The following METTL13 variants were observed in gnomAD, a reference collection of about 807,000 sequenced individuals.
METTL13 encodes the protein methyltransferase 13, eEF1A N-terminus and K55.
In METTL13, 52 loss-of-function variants were observed where a neutral mutation model predicts 67.4. The observed-to-expected ratio is 0.77, with a 90% CI of 0.62 to 0.97. The LOEUF is 0.97. Ranked by LOEUF, METTL13 falls within the 50% of genes least tolerant of loss-of-function variation. The pLI is 0.00. For missense variants in METTL13, 825 were observed against 889.6 expected, an observed-to-expected ratio of 0.93 and a Z score of 0.92; for synonymous variants, 354 against 353.6, an observed-to-expected ratio of 1.00 and a Z score of -0.01.
In METTL13 at chr1:171,784,499, A is replaced by G. The variant is rs754298266; in HGVS notation, c.913A>G (p.Ile305Val). 1 of 1,464,118 alleles carries G rather than the reference A, an allele frequency of 6.8e-7. No homozygotes were observed. Among genetic ancestry groups the G allele is most frequent in the South Asian group, 1.4e-5 (1 of 72,336 alleles). 90.7% of individuals were successfully genotyped at this position (1,464,118 alleles called of 1,614,324 possible). Residue 305 changes from isoleucine (I) to valine (V), a missense_variant and splice_region_variant, in exon 2 of 8, where the codon ATC becomes GTC. Coordinates refer to ENST00000361735, the MANE Select transcript of METTL13 (RefSeq NM_015935.5). ...SRDNHFAIFI[I>V]PQGRETEWLF... ...GGACAATCATTTTGCGATTTTCATC[A>G]GTGAGTTGGGATTGCTCCCTCTCTT...
chr1:171,787,670 G>T (rs1657063682), intron 3 of METTL13, 65 bp from the exon 4 acceptor site: 4 of 1,458,246 alleles, frequency 2.7e-6, no homozygotes, highest in African/African-American at 1.4e-5. Context: ...AAGGGAAGGG[G>T]TTATAATTTC....
chr1:171,787,732 C>T lies in METTL13; in HGVS notation c.1114-3C>T, dbSNP rs140184728. On this transcript the variant is annotated splice_region_variant and splice_polypyrimidine_tract_variant and intron_variant, in intron 3 of 7. Transcript: ENST00000361735. ...TTGACCACATCTCTGGTTGTACCTT[C>T]AGGTCCCCTTTCTGTCTGTGGGTGG... 7.0e-5 allele frequency: 113 copies of T among 1,609,658 alleles called. No homozygotes were observed. The African/African-American group carries it at 1.4e-3, about 20-fold the overall frequency.
chr1:171,782,641 C>A (rs1295974294), intron 1 of METTL13, among the ~76,000 whole-genome samples: 1 of 152,130 alleles, frequency 6.6e-6, no homozygotes, highest in African/African-American at 2.4e-5. Flanking sequence ...ATTAATAACC[C>A]TACTTGAAGA....
In METTL13 at chr1:171,781,935, G is replaced by C. The variant is rs1032342193; in HGVS notation, c.-33G>C. ...AAATGGTATCTCACAGGGAATAGGGGAGTCTTGAAAACGCAGCTTCGGCAG... is the reference window on the plus strand; with the variant it reads ...AAATGGTATCTCACAGGGAATAGGGCAGTCTTGAAAACGCAGCTTCGGCAG... On this transcript the variant is annotated 5_prime_UTR_variant, in exon 1 of 8. Transcript: ENST00000361735. 3.7e-6 allele frequency: 6 copies of C among 1,612,962 alleles called. No homozygotes were observed. The African/African-American group carries it at 6.7e-5, about 18-fold the overall frequency.
intron 5 of METTL13, among the ~76,000 whole-genome samples, chr1:171,791,232 G>A (rs1029256876): frequency 2.6e-5 from 4 of 152,308 alleles, no homozygotes; most frequent in African/African-American, 7.2e-5. Context: ...GACTTTTGTT[G>A]TCTTCCTTTG....
At chr1:171,794,576 A>G in intron 7 of METTL13, 49 bp downstream of exon 7, 1 of 1,606,416 alleles carries the variant, frequency 6.2e-7, no homozygotes, top group Non-Finnish European at 8.5e-7. Context: ...GACCATTAAC[A>G]AAAATTATCT....
intron 1 of METTL13, among the ~76,000 whole-genome samples, chr1:171,782,763 C>T (rs919006028): frequency 6.6e-6 from 1 of 152,058 alleles, no homozygotes; most frequent in Non-Finnish European, 1.5e-5. Context: ...TTGAGTGCGC[C>T]CCAAGTTTCA....
chr1:171,791,806 C>T (rs1481163976), intron 5 of METTL13, among the ~76,000 whole-genome samples: 1 of 151,920 alleles, frequency 6.6e-6, no homozygotes, highest in Non-Finnish European at 1.5e-5. Flanking sequence ...CACACTAGTT[C>T]ATCTTCTGGA....
In METTL13 at chr1:171,786,068, C is replaced by A; in HGVS notation, c.1103C>A (p.Thr368Asn). Residue 368 changes from threonine to asparagine, a missense_variant, in exon 3 of 8, where the codon ACC (threonine) becomes AAC (asparagine). By Grantham distance (65) the Thr-to-Asn change is moderately conservative. Transcript: ENST00000361735. Reference sequence around the variant, plus strand: ...GAGCTGGCCCCAGCTGGGATGCCCACCCAGCAGCAGGTAACAAAGCTTTCG... The same window carrying A: ...GAGCTGGCCCCAGCTGGGATGCCCAACCAGCAGCAGGTAACAAAGCTTTCG... Reference protein sequence around the residue: ...VMELAPAGMPTQQQVPFLSVG... With the variant: ...VMELAPAGMPNQQQVPFLSVG... 1.9e-6 allele frequency: 3 copies of A among 1,612,602 alleles called. No individual in the cohort carries two copies. Among genetic ancestry groups the A allele is most frequent in the Non-Finnish European group, 2.5e-6 (3 of 1,179,236 alleles).
Position 171,781,885 on chromosome 1 carries a change from C to T in METTL13, c.-83C>T. ...GAATTCCCACTGCAGTGTCCCGGAGCCTGCGTGTGGTGGGCAAGCTCCTCA... is the reference window on the plus strand; with the variant it reads ...GAATTCCCACTGCAGTGTCCCGGAGTCTGCGTGTGGTGGGCAAGCTCCTCA... On this transcript the variant is annotated 5_prime_UTR_variant, in exon 1 of 8. Coordinates refer to ENST00000361735, the MANE Select transcript of METTL13 (RefSeq NM_015935.5). The T allele has an allele frequency of 2.5e-6, 4 of 1,575,316 alleles. No individual in the cohort carries two copies. The highest frequency in any genetic ancestry group is 3.4e-6 in the Non-Finnish European group (4 of 1,160,314).
Position 171,792,090 on chromosome 1 carries a change from A to G in METTL13, c.1548A>G (p.Pro516=), listed in dbSNP as rs376719957. 1.2e-6 allele frequency: 2 copies of G among 1,613,962 alleles called. No individual in the cohort carries two copies. Among genetic ancestry groups the G allele is most frequent in the South Asian group, 1.1e-5 (1 of 91,078 alleles). ...SLPLFVHDHF[P]KSCIDAVEID... ...CCCTCTTTGTCCACGATCATTTTCC[A>G]AAGTCCTGCATTGATGCTGTGGAGA... Residue 516 remains proline, a synonymous_variant, in exon 6 of 8, where the codon CCA becomes CCG. Transcript: ENST00000361735.
Position 171,781,689 on chromosome 1 carries a change from T to C in METTL13, c.-279T>C, listed in dbSNP as rs1656821086. On this transcript the variant is annotated 5_prime_UTR_variant, in exon 1 of 8. An upstream open reading frame in the 5' UTR loses its in-frame stop. Coordinates refer to ENST00000361735, the MANE Select transcript of METTL13 (RefSeq NM_015935.5). ...GGATATGGTTATGGGCTCGGAAATC[T>C]AGTTCGGGAAAAGTGTGAGGGGCTC... 1 of 1,022,414 alleles carries C rather than the reference T, an allele frequency of 9.8e-7. No individual in the cohort carries two copies. The highest frequency in any genetic ancestry group is 2.3e-5 in the South Asian group (1 of 42,708). The allele number at this position is 1,022,414 out of a possible 1,614,324, so 63.3% of individuals were successfully genotyped here.
rs150175587 is a variant in METTL13 at position 171,792,156 on chromosome 1, C to G, written c.1614C>G (p.Gly538=). The G allele has an allele frequency of 1.9e-6, 3 of 1,614,194 alleles. No homozygotes were observed. Among genetic ancestry groups the G allele is most frequent in the Non-Finnish European group, 2.5e-6 (3 of 1,180,034 alleles). The part of the protein sequence containing the change: ...SMLEVATQWF[G]FSQSDRMKVH... ...TGGAAGTGGCCACCCAGTGGTTTGG[C>G]TTCTCCCAGAGTGACCGAATGAAGG... The change falls in exon 6 of 8, where the codon GGC becomes GGG. Residue 538 remains glycine (G), a synonymous_variant. Coordinates refer to ENST00000361735, the MANE Select transcript of METTL13 (RefSeq NM_015935.5).
chr1:171,795,861 T>C (rs988986928), intron 7 of METTL13, among the ~76,000 whole-genome samples: 2 of 152,134 alleles, frequency 1.3e-5, no homozygotes, highest in Non-Finnish European at 2.9e-5. Flanking sequence ...GGAATCACTT[T>C]CTATTGATTG....
chr1:171,796,624 T>C lies in METTL13; in HGVS notation c.1968T>C (p.Pro656=). The C allele has an allele frequency of 6.2e-7, 1 of 1,614,206 alleles. No individual in the cohort carries two copies. The highest frequency in any genetic ancestry group is 8.5e-7 in the Non-Finnish European group (1 of 1,180,038). Residue 656 remains proline, a synonymous_variant, in exon 8 of 8, where the codon CCT becomes CCC. Coordinates refer to ENST00000361735, the MANE Select transcript of METTL13 (RefSeq NM_015935.5). ...VNEILFCQLH[P]EQKLATPELL... is the part of the protein sequence containing the mutation. ...AGATCCTGTTCTGTCAGCTGCACCC[T>C]GAGCAAAAACTTGCCACACCAGAGC...
intron 4 of METTL13, among the ~76,000 whole-genome samples, chr1:171,789,950 C>T (rs1657147501): frequency 6.6e-6 from 1 of 152,148 alleles, no homozygotes; most frequent in African/African-American, 2.4e-5. Flanking sequence ...ATACCTGAGA[C>T]TGGATAATTT....
At chr1:171,790,690 A>G in intron 5 of METTL13, 74 bp downstream of exon 5, 1 of 1,352,364 alleles carries the variant, frequency 7.4e-7, no homozygotes, top group South Asian at 2.1e-5. Context: ...TGTCACTTGC[A>G]TTGTAGTTGA....
intron 3 of METTL13, among the ~76,000 whole-genome samples, chr1:171,786,884 G>A (rs1311288623): frequency 6.6e-6 from 1 of 151,914 alleles, no homozygotes; most frequent in African/African-American, 2.4e-5. Flanking sequence ...TGTTGCCCAA[G>A]CTTTGATCCT....
intron 4 of METTL13, among the ~76,000 whole-genome samples, chr1:171,788,726 G>A (rs1375479015): frequency 6.6e-6 from 1 of 152,220 alleles, no homozygotes; most frequent in African/African-American, 2.4e-5. Flanking sequence ...AAAAGTGAAT[G>A]CCCCTCACCT....
Sources: gnomAD v4.1 joint callset for allele counts (sites outside exome capture counted in the v4.1 genomes callset) on GRCh38, gnomAD v4.1.1 for gene constraint, MANE v1.5 for transcripts, NCBI Gene and HGNC (gene_info 2026-07-23, HGNC 2026-07-21) for gene names.